SH3RF1: variants seen among roughly 807,000 people sequenced by gnomAD.
The protein encoded by SH3RF1 is SH3 domain containing ring finger 1.
A neutral mutation model predicts 74.0 loss-of-function variants in SH3RF1; 32 were observed. The ratio of observed to expected loss-of-function variants is 0.43; its 90% CI spans 0.33 to 0.58. The LOEUF (loss-of-function observed/expected upper bound fraction) is 0.58, where lower values mean the gene tolerates loss of function less well. Among genes scored for constraint, SH3RF1 ranks in the 20% least tolerant of loss-of-function variants. The pLI, the probability that SH3RF1 is intolerant of heterozygous loss-of-function variation, is 0.05. For synonymous variants in SH3RF1, 396 were observed against 439.6 expected, an observed-to-expected ratio of 0.90 and a Z score of 1.24; for missense variants, 954 against 1,130.9, an observed-to-expected ratio of 0.84 and a Z score of 2.24.
At chr4:169,258,662 GA>G (rs1354481942) in intron 2 of SH3RF1, among the ~76,000 whole-genome samples, 1 of 151,988 alleles carries the variant, frequency 6.6e-6, no homozygotes, top group African/African-American at 2.4e-5. Flanking sequence ...CAAAGATTTT[GA>G]AAAAAACTGA....
intron 2 of SH3RF1, among the ~76,000 whole-genome samples, chr4:169,229,530 C>T (rs556472238): frequency 6.6e-6 from 1 of 151,948 alleles, no homozygotes; most frequent in Admixed American, 6.6e-5. Flanking sequence ...GTATACCATG[C>T]CTCTCTTTTA....
chr4:169,205,136 A>C (rs1378924402), intron 2 of SH3RF1, among the ~76,000 whole-genome samples: 1 of 152,268 alleles, frequency 6.6e-6, no homozygotes, highest in African/African-American at 2.4e-5. Flanking sequence ...TTTATGTTCC[A>C]GTAAATCCAG....
chr4:169,145,899 C>T (rs9995288), intron 4 of SH3RF1, among the ~76,000 whole-genome samples: 7,749 of 92,392 alleles, frequency 0.084, 937 homozygotes, highest in South Asian at 0.13. Flanking sequence ...TAAAATATTA[C>T]ATATTCTATA....
chr4:169,194,011 T>C (rs2126986193), intron 2 of SH3RF1, among the ~76,000 whole-genome samples: 1 of 152,252 alleles, frequency 6.6e-6, no homozygotes, highest in Admixed American at 6.5e-5. Context: ...GCCAGACTTG[T>C]AAAAAGGGGC....
chr4:169,166,891 A>G (rs1734254778), intron 2 of SH3RF1: 1 of 280,622 alleles, frequency 3.6e-6, no homozygotes, highest in Admixed American at 4.6e-5. Context: ...AAAAATCTCA[A>G]AACATCTTAC....
At chr4:169,191,295 C>T (rs1734702883) in intron 2 of SH3RF1, among the ~76,000 whole-genome samples, 2 of 95,008 alleles carry the variant, frequency 2.1e-5, no homozygotes, top group East Asian at 3.8e-4. Context: ...TTTACAATAG[C>T]TGCAAAAAAA....
At chr4:169,096,773 C>A in intron 11 of SH3RF1, 86 bp from the exon 12 acceptor site, 3 of 1,224,562 alleles carry the variant, frequency 2.4e-6, no homozygotes, top group Non-Finnish European at 3.5e-6. Context: ...GAACCTTCAA[C>A]ATAAATAGGA....
intron 4 of SH3RF1, among the ~76,000 whole-genome samples, chr4:169,152,858 T>C (rs369458741): frequency 1.5e-4 from 23 of 152,172 alleles, no homozygotes; most frequent in South Asian, 2.1e-4. Flanking sequence ...AAGAAAAGGA[T>C]AGTTGAGGAC....
chr4:169,234,637 G>C (rs765995906), intron 2 of SH3RF1, among the ~76,000 whole-genome samples: 1 of 152,142 alleles, frequency 6.6e-6, no homozygotes, highest in Non-Finnish European at 1.5e-5. Context: ...TTGGTAGAAA[G>C]TACTGCCTGG....
intron 2 of SH3RF1, among the ~76,000 whole-genome samples, chr4:169,182,778 A>C (rs1368386350): frequency 6.6e-6 from 1 of 152,170 alleles, no homozygotes; most frequent in Non-Finnish European, 1.5e-5. Flanking sequence ...AGATATGAGA[A>C]TAATTTACTC....
chr4:169,105,297 G>C lies in SH3RF1; in HGVS notation c.2498+1550C>G, dbSNP rs576311623. 2.0e-5 allele frequency among the ~76,000 whole-genome samples: 3 copies of C among 152,264 alleles called. No homozygotes were observed. The East Asian group carries it at 5.8e-4, about 29-fold the overall frequency. On this transcript the variant is annotated intron_variant, in intron 11 of 11. Coordinates refer to ENST00000284637, the MANE Select transcript of SH3RF1 (RefSeq NM_020870.4). ...TATATTTATATAAGATATAAAAAGA[G>C]TCCACTATTTTGAGTATACTTCATG...
intron 7 of SH3RF1, among the ~76,000 whole-genome samples, 185 bp from the exon 8 acceptor site, chr4:169,121,174 AAGT>A (rs1198735028): frequency 6.6e-6 from 1 of 152,212 alleles, no homozygotes; most frequent in Non-Finnish European, 1.5e-5. Flanking sequence ...TACATTTTAA[AAGT>A]AGGCAGAGGC....
chr4:169,269,385 C>A, intron 1 of SH3RF1, 78 bp from the exon 2 acceptor site: 1 of 650,020 alleles, frequency 1.5e-6, no homozygotes. Context: ...AGCCAAGAAT[C>A]AAAAAGTACC....
intron 2 of SH3RF1, among the ~76,000 whole-genome samples, chr4:169,216,376 C>T (rs1449714037): frequency 3.3e-5 from 5 of 151,928 alleles, no homozygotes; most frequent in Non-Finnish European, 4.4e-5. Flanking sequence ...TTCATGAGAC[C>T]TAAATTAAAG....
intron 2 of SH3RF1, among the ~76,000 whole-genome samples, chr4:169,219,787 C>T (rs561379826): frequency 2.6e-5 from 4 of 152,246 alleles, no homozygotes; most frequent in Non-Finnish European, 5.9e-5. Flanking sequence ...CATTTTTATC[C>T]CTCTACTACT....
intron 2 of SH3RF1, among the ~76,000 whole-genome samples, chr4:169,214,602 G>A (rs1032693346): frequency 6.6e-6 from 1 of 151,852 alleles, no homozygotes; most frequent in Non-Finnish European, 1.5e-5. Flanking sequence ...TTCTTTCATC[G>A]GATTTTTGTA....
intron 4 of SH3RF1, 61 bp from the exon 5 acceptor site, chr4:169,136,681 G>C (rs1001094355): frequency 1.0e-5 from 15 of 1,437,380 alleles, no homozygotes; most frequent in Non-Finnish European, 1.4e-5. Context: ...AATTCCCTGA[G>C]GTTTATTTCC....
chr4:169,178,157 C>T (rs548725501), intron 2 of SH3RF1, among the ~76,000 whole-genome samples: 17 of 151,830 alleles, frequency 1.1e-4, no homozygotes, highest in African/African-American at 4.1e-4. Flanking sequence ...AGAAGAATCG[C>T]TTGAACCCAG....
At chr4:169,220,511 GT>G (rs1334206601) in intron 2 of SH3RF1, among the ~76,000 whole-genome samples, 1 of 152,246 alleles carries the variant, frequency 6.6e-6, no homozygotes, top group Non-Finnish European at 1.5e-5. Context: ...GGACTAGGGA[GT>G]GGGGAAGGTG....
Sources: gnomAD v4.1 joint callset for allele counts (sites outside exome capture counted in the v4.1 genomes callset) on GRCh38, gnomAD v4.1.1 for gene constraint, MANE v1.5 for transcripts, NCBI Gene and HGNC (gene_info 2026-07-23, HGNC 2026-07-21) for gene names.